The following NCAM2 variants were observed in gnomAD, a reference collection of about 807,000 sequenced individuals.
The protein encoded by NCAM2 is N-CAM-2.
NCAM2 carries 30 observed loss-of-function variants against 98.1 expected under a neutral mutation model. The observed-to-expected ratio is 0.31, with a 90% CI of 0.23 to 0.41. NCAM2 has a LOEUF of 0.41. Among genes scored for constraint, NCAM2 ranks in the 10% least tolerant of loss-of-function variants. The probability of loss-of-function intolerance (pLI) is 1.00; values close to 1 mark genes in which losing one functional copy is unlikely to be tolerated. For missense variants in NCAM2, 867 were observed against 1,005.8 expected (o/e 0.86, Z 1.87); for synonymous variants, 368 against 342.4 (o/e 1.07, Z -0.83).
At chr21:21,210,935 A>G (rs1171671009) in intron 1 of NCAM2, among the ~76,000 whole-genome samples, 1 of 149,602 alleles carries the variant, frequency 6.7e-6, no homozygotes, top group East Asian at 2.0e-4. Flanking sequence ...TCCATATAGG[A>G]GAAGTACAGG....
intron 1 of NCAM2, among the ~76,000 whole-genome samples, chr21:21,092,857 A>G (rs1446958761): frequency 6.6e-6 from 1 of 151,950 alleles, no homozygotes; most frequent in East Asian, 1.9e-4. Context: ...TTTTCTGTGA[A>G]TGTCATTTGT....
intron 12 of NCAM2, among the ~76,000 whole-genome samples, chr21:21,452,547 T>A (rs1170041574): frequency 8.2e-6 from 1 of 121,960 alleles, no homozygotes; most frequent in Non-Finnish European, 1.6e-5. Context: ...AATAAATATA[T>A]AATATATACT....
chr21:21,167,944 C>T (rs1353468841), intron 1 of NCAM2, among the ~76,000 whole-genome samples: 2 of 151,858 alleles, frequency 1.3e-5, no homozygotes, highest in Non-Finnish European at 2.9e-5. Context: ...GGAATCCATC[C>T]TAACTAATTA....
intron 5 of NCAM2, among the ~76,000 whole-genome samples, chr21:21,311,480 A>G (rs1305729434): frequency 6.6e-6 from 1 of 151,788 alleles, no homozygotes; most frequent in Non-Finnish European, 1.5e-5. Flanking sequence ...CGCTGGGACT[A>G]CAGGCACCCG....
chr21:21,413,980 C>T (rs2076937141), intron 10 of NCAM2, among the ~76,000 whole-genome samples: 1 of 152,122 alleles, frequency 6.6e-6, no homozygotes, highest in South Asian at 2.1e-4. Flanking sequence ...TGAAGTAAAT[C>T]CTCTCAAACC....
At chr21:21,245,793 A>G (rs1458285788) in intron 1 of NCAM2, among the ~76,000 whole-genome samples, 4 of 152,146 alleles carry the variant, frequency 2.6e-5, no homozygotes, top group Non-Finnish European at 5.9e-5. Flanking sequence ...GGTGGATGGT[A>G]GATGATAGAT....
intron 15 of NCAM2, among the ~76,000 whole-genome samples, chr21:21,485,850 A>T (rs1044970172): frequency 4.6e-5 from 7 of 152,194 alleles, no homozygotes; most frequent in African/African-American, 1.7e-4. Context: ...TTTTAAAGAG[A>T]TAGCTACAGA....
intron 1 of NCAM2, among the ~76,000 whole-genome samples, chr21:21,056,108 G>T (rs780258097): frequency 9.2e-5 from 14 of 151,714 alleles, no homozygotes; most frequent in Non-Finnish European, 1.8e-4. Flanking sequence ...CTATCTTTAC[G>T]CATAGCAATA....
At chr21:21,479,412 T>A (rs2146269092) in intron 15 of NCAM2, among the ~76,000 whole-genome samples, 1 of 150,778 alleles carries the variant, frequency 6.6e-6, no homozygotes, top group African/African-American at 2.4e-5. Flanking sequence ...TGAAACCCCG[T>A]CTCTACTAAA....
intron 15 of NCAM2, among the ~76,000 whole-genome samples, chr21:21,483,179 A>G (rs1027424642): frequency 6.6e-6 from 1 of 152,072 alleles, no homozygotes; most frequent in African/African-American, 2.4e-5. Context: ...AGACGTTAGT[A>G]TCTTTCAGTA....
chr21:21,513,287 GTTAT>G (rs1429773798), intron 16 of NCAM2, among the ~76,000 whole-genome samples: 1 of 151,966 alleles, frequency 6.6e-6, no homozygotes, highest in African/African-American at 2.4e-5. Flanking sequence ...GCATTGTAAG[GTTAT>G]TTAGTTAAAG....
intron 15 of NCAM2, among the ~76,000 whole-genome samples, chr21:21,491,500 A>G (rs898148532): frequency 2.0e-5 from 3 of 151,826 alleles, no homozygotes; most frequent in Non-Finnish European, 4.4e-5. Context: ...AAACACAAAT[A>G]GTAAGTTGAA....
In NCAM2 at chr21:21,227,898, A is replaced by G. The variant is rs568192507; in HGVS notation, c.56-52680A>G. Among the ~76,000 whole-genome samples, 144 of 151,916 alleles carry G rather than the reference A, an allele frequency of 9.5e-4. 1 individual carries two copies. The highest frequency in any genetic ancestry group is 1.6e-3 in the Non-Finnish European group (111 of 67,766). On this transcript the variant is annotated intron_variant, in intron 1 of 17. Transcript: ENST00000400546. ...AGAGAAATATAAGTGATCTTTTATG[A>G]TTGTTAAGTAAGGGAAACAAGATAA...
chr21:21,442,192 G>A (rs78485831), intron 12 of NCAM2, among the ~76,000 whole-genome samples: 3,346 of 152,136 alleles, frequency 0.022, 103 homozygotes, highest in East Asian at 0.14. Context: ...CTATCTTGAG[G>A]AAAGAGTGCA....
intron 12 of NCAM2, among the ~76,000 whole-genome samples, chr21:21,462,862 C>T (rs779106703): frequency 5.9e-5 from 9 of 152,032 alleles, no homozygotes; most frequent in Non-Finnish European, 1.3e-4. Flanking sequence ...ATTTGTAAAT[C>T]GTGCTGACTA....
At chr21:21,195,255 C>A (rs916613062) in intron 1 of NCAM2, among the ~76,000 whole-genome samples, 9 of 152,090 alleles carry the variant, frequency 5.9e-5, no homozygotes, top group African/African-American at 2.2e-4. Context: ...ATATAACCCT[C>A]AACTTAGTAA....
chr21:21,045,085 G>C (rs2064982518), intron 1 of NCAM2, among the ~76,000 whole-genome samples: 2 of 151,998 alleles, frequency 1.3e-5, no homozygotes, highest in Non-Finnish European at 2.9e-5. Flanking sequence ...AAATCATCCA[G>C]TTTGATGTAT....
chr21:21,123,522 C>G (rs569003658), intron 1 of NCAM2, among the ~76,000 whole-genome samples: 1 of 152,110 alleles, frequency 6.6e-6, no homozygotes, highest in South Asian at 2.1e-4. Context: ...TCTAATCCCA[C>G]CCCCGTGGTG....
At chr21:21,130,597 G>A (rs2066914157) in intron 1 of NCAM2, among the ~76,000 whole-genome samples, 1 of 151,988 alleles carries the variant, frequency 6.6e-6, no homozygotes, top group Admixed American at 6.6e-5. Flanking sequence ...TAGTCAGTAG[G>A]GATGAATTAC....
Sources: allele counts gnomAD v4.1 joint callset (sites outside exome capture counted in the v4.1 genomes callset), GRCh38; gene constraint gnomAD v4.1.1; transcripts MANE v1.5; gene names NCBI Gene and HGNC (gene_info 2026-07-23, HGNC 2026-07-21).